Variants in ABCA13 observed in about 807,000 individuals in gnomAD.
ABCA13 encodes ATP-binding cassette sub-family A member 13.
Under a neutral mutation model 478.7 loss-of-function variants are expected in ABCA13, and 476 were observed. The observed-to-expected ratio is 0.99, with a 90% CI of 0.92 to 1.07. ABCA13 has a LOEUF of 1.07. ABCA13 is among the 50% of genes least tolerant of loss of function. The pLI is 0.00. For synonymous variants in ABCA13, 2,252 were observed against 2,158.9 expected, an observed-to-expected ratio of 1.04 and a Z score of -1.20; for missense variants, 6,060 against 5,910.6, an observed-to-expected ratio of 1.03 and a Z score of -0.83.
chr7:48,612,793 A>G (rs1792155962), intron 58 of ABCA13, among the ~76,000 whole-genome samples: 1 of 152,164 alleles, frequency 6.6e-6, no homozygotes, highest in Non-Finnish European at 1.5e-5. Context: ...AGTTATGCCA[A>G]TTTTTACTCC....
chr7:48,350,821 T>C lies in ABCA13; in HGVS notation c.10381+2T>C. ...TGCAGCAGAACAGCTTCTTGGCCAG[T>C]AAGTACTCAATGAAAAAATATGTTC... On this transcript the variant is annotated splice_donor_variant, in intron 30 of 61. Coordinates refer to ENST00000435803, the MANE Select transcript of ABCA13 (RefSeq NM_152701.5). LOFTEE classifies it high-confidence loss of function. 6.2e-7 allele frequency: 1 copy of C among 1,611,720 alleles called. No homozygotes were observed.
At chr7:48,411,235 T>A (rs1234887204) in intron 40 of ABCA13, among the ~76,000 whole-genome samples, 1 of 145,660 alleles carries the variant, frequency 6.9e-6, no homozygotes, top group Non-Finnish European at 1.5e-5. Flanking sequence ...TTCTCTTTCT[T>A]TCTTTCTCTT....
In ABCA13 at chr7:48,245,618, G is replaced by A; in HGVS notation, c.1491+6G>A. On this transcript the variant is annotated splice_donor_region_variant and intron_variant, in intron 12 of 61. Transcript: ENST00000435803. ...TCTTTTGGGAGCTGAAACAGGTAAA[G>A]CACAACAAATAATTATAAATAAGCA... 1 of 1,602,782 alleles carries A rather than the reference G, an allele frequency of 6.2e-7. No homozygotes were observed. The highest frequency in any genetic ancestry group is 8.5e-7 in the Non-Finnish European group (1 of 1,175,660).
intron 55 of ABCA13, among the ~76,000 whole-genome samples, chr7:48,565,235 C>A (rs1585826771): frequency 8.8e-6 from 1 of 113,926 alleles, no homozygotes; most frequent in Non-Finnish European, 1.7e-5. Flanking sequence ...TTTTTTTTGC[C>A]AGTAGTTTAT....
At position 48,338,414 on chromosome 7, in the gene ABCA13, A is replaced by C; in HGVS notation, c.10163A>C (p.His3388Pro). Residue 3388 changes from histidine to proline, a missense_variant, in exon 29 of 62, where the codon CAC (histidine) becomes CCC (proline). His to Pro is a moderately conservative substitution (Grantham distance 77, BLOSUM62 -2). This residue lies in a region of ABCA13 where 4,423 missense variants were observed against 4,309.1 expected (regional missense o/e 1.03). Transcript: ENST00000435803. ...FVRNFVENQL[H>P]IDVDKLTEKL... ...AGAAACTTTGTAGAAAACCAGTTGC[A>C]CATTGATGTAGACAAACTTACTGAA... 1 of 1,603,258 alleles carries C rather than the reference A, an allele frequency of 6.2e-7. No homozygotes were observed.
At chr7:48,244,481 A>C in intron 10 of ABCA13, 95 bp from the exon 11 acceptor site, 1 of 1,417,598 alleles carries the variant, frequency 7.1e-7, no homozygotes, top group South Asian at 1.3e-5. Context: ...TTCTCAAAGC[A>C]GTGGAATATT....
At chr7:48,554,172 G>A (rs376237828) in intron 55 of ABCA13, among the ~76,000 whole-genome samples, 1 of 151,648 alleles carries the variant, frequency 6.6e-6, no homozygotes, top group Non-Finnish European at 1.5e-5. Flanking sequence ...CTATTCTGTC[G>A]CATTGGCCTA....
chr7:48,352,933 T>C (rs1445053471), intron 31 of ABCA13, among the ~76,000 whole-genome samples: 1 of 151,812 alleles, frequency 6.6e-6, no homozygotes, highest in Non-Finnish European at 1.5e-5. Context: ...TGGGTACCCA[T>C]GAAGTAATAT....
chr7:48,290,298 C>T (rs1358359716), intron 20 of ABCA13, among the ~76,000 whole-genome samples: 1 of 152,312 alleles, frequency 6.6e-6, no homozygotes, highest in South Asian at 2.1e-4. Flanking sequence ...CTTCCTACTG[C>T]CTCTCTAGAT....
At chr7:48,414,122 A>G (rs1227784475) in intron 41 of ABCA13, among the ~76,000 whole-genome samples, 7 of 152,184 alleles carry the variant, frequency 4.6e-5, no homozygotes, top group Non-Finnish European at 8.8e-5. Context: ...GATGAATAGG[A>G]GCTGTTTTCT....
intron 55 of ABCA13, among the ~76,000 whole-genome samples, chr7:48,567,529 G>A (rs1787200407): frequency 6.6e-6 from 1 of 151,924 alleles, no homozygotes; most frequent in Non-Finnish European, 1.5e-5. Flanking sequence ...ACCTTTTTTA[G>A]ACATGAACAT....
At chr7:48,284,357 A>C (rs1393399886) in intron 19 of ABCA13, among the ~76,000 whole-genome samples, 2 of 152,082 alleles carry the variant, frequency 1.3e-5, no homozygotes, top group Non-Finnish European at 2.9e-5. Context: ...CTGTATTTCC[A>C]ATTAGATGTT....
At chr7:48,517,126 T>C (rs1832186245) in intron 52 of ABCA13, among the ~76,000 whole-genome samples, 2 of 152,224 alleles carry the variant, frequency 1.3e-5, no homozygotes, top group African/African-American at 4.8e-5. Flanking sequence ...ACTCCATTCT[T>C]GAGGGTAGAG....
chr7:48,394,153 A>G (rs1368750245), intron 38 of ABCA13, among the ~76,000 whole-genome samples: 1 of 152,184 alleles, frequency 6.6e-6, no homozygotes, highest in Admixed American at 6.5e-5. Context: ...CTTGAGGTAT[A>G]ATCTAAAGGT....
intron 10 of ABCA13, among the ~76,000 whole-genome samples, chr7:48,242,395 C>G (rs1006222186): frequency 6.6e-6 from 1 of 152,008 alleles, no homozygotes; most frequent in African/African-American, 2.4e-5. Flanking sequence ...AAGATGAGGC[C>G]CAAACACTGG....
At chr7:48,577,766 C>A (rs564803732) in intron 55 of ABCA13, among the ~76,000 whole-genome samples, 34 of 152,118 alleles carry the variant, frequency 2.2e-4, no homozygotes, top group African/African-American at 7.9e-4. Context: ...CAGACAAGGG[C>A]ATTACAAGAA....
intron 38 of ABCA13, among the ~76,000 whole-genome samples, chr7:48,396,398 G>A (rs917582214): frequency 6.6e-6 from 1 of 152,210 alleles, no homozygotes; most frequent in Non-Finnish European, 1.5e-5. Flanking sequence ...ATATGTGCCA[G>A]GAACTTACAT....
At chr7:48,205,597 C>A (rs896093692) in intron 3 of ABCA13, among the ~76,000 whole-genome samples, 1 of 152,158 alleles carries the variant, frequency 6.6e-6, no homozygotes, top group Non-Finnish European at 1.5e-5. Flanking sequence ...AGTGTAACAA[C>A]CTTGTTGTAC....
At chr7:48,434,610 C>G (rs1002350674) in intron 42 of ABCA13, among the ~76,000 whole-genome samples, 4 of 151,876 alleles carry the variant, frequency 2.6e-5, no homozygotes, top group African/African-American at 9.7e-5. Context: ...AAGTTTTTTC[C>G]TGTGTTTTCT....
Sources: gnomAD v4.1 joint callset for allele counts (sites outside exome capture counted in the v4.1 genomes callset) on GRCh38, gnomAD v4.1.1 for gene constraint, gnomAD v4.1.1 regional missense constraint, MANE v1.5 for transcripts, NCBI Gene and HGNC (gene_info 2026-07-23, HGNC 2026-07-21) for gene names.